Variants in KLHL22 observed in about 807,000 individuals in gnomAD.
KLHL22 encodes kelch-like protein 22.
In KLHL22, 18 loss-of-function variants were observed where a neutral mutation model predicts 60.7. That is an observed-to-expected ratio of 0.30 (90% CI 0.20 to 0.44). The LOEUF is 0.44. KLHL22 is among the 20% of genes least tolerant of loss of function. The pLI is 1.00. For missense variants in KLHL22, 596 were observed against 852.3 expected, an observed-to-expected ratio of 0.70 and a Z score of 3.74; for synonymous variants, 355 against 354.5, an observed-to-expected ratio of 1.00 and a Z score of -0.01.
intron 3 of KLHL22, among the ~76,000 whole-genome samples, chr22:20,470,189 T>C (rs1156821386): frequency 6.7e-6 from 1 of 149,936 alleles, no homozygotes; most frequent in Non-Finnish European, 1.5e-5. Flanking sequence ...AAAATATATA[T>C]ATATATAATA....
intron 4 of KLHL22, among the ~76,000 whole-genome samples, chr22:20,463,269 G>A (rs1346584605): frequency 6.6e-6 from 1 of 152,172 alleles, no homozygotes; most frequent in African/African-American, 2.4e-5. Flanking sequence ...GTTTGGGACT[G>A]GTTATTGGTT....
intron 3 of KLHL22, among the ~76,000 whole-genome samples, chr22:20,468,931 C>T (rs1334426077): frequency 6.6e-6 from 1 of 152,180 alleles, no homozygotes; most frequent in Non-Finnish European, 1.5e-5. Flanking sequence ...GCTGGGATTA[C>T]AGGCATGAAC....
intron 5 of KLHL22, among the ~76,000 whole-genome samples, chr22:20,457,029 A>T (rs2053073944): frequency 1.5e-5 from 2 of 134,746 alleles, no homozygotes; most frequent in Non-Finnish European, 1.6e-5. Context: ...GTGCCCTGCT[A>T]GGGTACCCCT....
rs765908820 is a variant in KLHL22, at chr22:20,465,303, T to C, written c.667A>G (p.Ser223Gly). ...VYEGALLYHY[S>G]LEQVQADQIS... is the part of the protein sequence containing the mutation. ...TGGTCAGCCTGCACCTGCTCCAGGC[T>C]ATAATGGTAGAGAAGGGCCCCCTCA... Residue 223 changes from serine to glycine, a missense_variant, in exon 4 of 7, where the codon AGC (serine) becomes GGC (glycine). Physicochemically the swap from Ser to Gly is moderately conservative, Grantham distance 56. Coordinates refer to ENST00000328879, the MANE Select transcript of KLHL22 (RefSeq NM_032775.4). This position sits in a 1 kb window ranked among gnomAD's most constrained non-coding sequence, Gnocchi z 4.9. 8 of 1,614,118 alleles carry C rather than the reference T, an allele frequency of 5.0e-6. No individual in the cohort carries two copies. The highest frequency in any genetic ancestry group is 1.1e-5 in the South Asian group (1 of 91,070).
At chr22:20,451,805 G>A in intron 5 of KLHL22, 1 of 1,603,898 alleles carries the variant, frequency 6.2e-7, no homozygotes, top group Non-Finnish European at 8.5e-7. Context: ...GCTGGTGTGT[G>A]TGTTCTCCAC....
intron 2 of KLHL22, among the ~76,000 whole-genome samples, chr22:20,486,501 A>G (rs2053589063): frequency 6.6e-6 from 1 of 152,078 alleles, no homozygotes; most frequent in African/African-American, 2.4e-5. Context: ...GCCCTAAACT[A>G]TGGGCCAGCC....
intron 2 of KLHL22, among the ~76,000 whole-genome samples, chr22:20,485,549 A>G (rs954296428): frequency 6.6e-6 from 1 of 152,164 alleles, no homozygotes; most frequent in African/African-American, 2.4e-5. Flanking sequence ...TGGGCCAAAG[A>G]AGAAAAATTT....
intron 5 of KLHL22, among the ~76,000 whole-genome samples, chr22:20,453,445 T>C (rs538001344): frequency 1.6e-3 from 237 of 152,346 alleles, no homozygotes; most frequent in African/African-American, 5.5e-3. Context: ...TTGTCCAAAA[T>C]CATGTGTAAC....
chr22:20,457,499 T>A (rs1248193292), intron 5 of KLHL22, among the ~76,000 whole-genome samples: 3 of 152,168 alleles, frequency 2.0e-5, no homozygotes, highest in African/African-American at 4.8e-5. Flanking sequence ...ACATTTGAAC[T>A]ACAAGGTTTA....
At chr22:20,493,306 G>A in intron 1 of KLHL22, 1 of 458,840 alleles carries the variant, frequency 2.2e-6, no homozygotes, top group Non-Finnish European at 4.5e-6. Flanking sequence ...AACTTAGCTA[G>A]GGGCTAAGGG....
At chr22:20,470,639 A>C (rs2053300398) in intron 3 of KLHL22, among the ~76,000 whole-genome samples, 1 of 152,142 alleles carries the variant, frequency 6.6e-6, no homozygotes, top group African/African-American at 2.4e-5. Flanking sequence ...AGAGAGAGAG[A>C]GCTTGTCTCC....
Position 20,454,036 on chromosome 22 carries a change from T to TA in KLHL22, c.1305+3771dup, listed in dbSNP as rs1219891699. On this transcript the variant is annotated intron_variant, in intron 5 of 6. Coordinates refer to ENST00000328879, the MANE Select transcript of KLHL22 (RefSeq NM_032775.4). The stretch of plus-strand genomic sequence containing the variant: ...AGACGTGAGCCACTGCGACCAGCAA[T>TA]AAAAAAAAATTTTAGGCTGGATGTG... 1.3e-4 allele frequency among the ~76,000 whole-genome samples: 19 copies of TA among 151,964 alleles called. 1 individual carries two copies. The highest frequency in any genetic ancestry group is 6.8e-3 in the Middle Eastern group (2 of 292).
Position 20,442,205 on chromosome 22 carries a change from G to A in KLHL22, c.1773C>T (p.Leu591=). The A allele has an allele frequency of 6.2e-7, 1 of 1,600,662 alleles. No individual in the cohort carries two copies. The highest frequency in any genetic ancestry group is 8.5e-7 in the Non-Finnish European group (1 of 1,172,442). ...NSISGLAACV[L]TLPRSLLLEP... Reference sequence around the variant, plus strand: ...CAAGGAGCAGGGAGCGGGGCAGGGTGAGCACACAGGCCGCCAGGCCTGAGA... The same window carrying A: ...CAAGGAGCAGGGAGCGGGGCAGGGTAAGCACACAGGCCGCCAGGCCTGAGA... The change falls in exon 7 of 7, where the codon CTC becomes CTT. Residue 591 remains leucine (L), a synonymous_variant. Transcript: ENST00000328879.
At chr22:20,466,516 C>CCTGCCT (rs1286843956) in intron 3 of KLHL22, among the ~76,000 whole-genome samples, 3 of 152,074 alleles carry the variant, frequency 2.0e-5, no homozygotes, top group East Asian at 3.8e-4. Context: ...TCTGGAAGAG[C>CCTGCCT]CTGCCTCTCC....
At chr22:20,462,006 G>A (rs2053162108) in intron 4 of KLHL22, among the ~76,000 whole-genome samples, 2 of 152,186 alleles carry the variant, frequency 1.3e-5, no homozygotes, top group Non-Finnish European at 2.9e-5. Context: ...GCTGAGGCAG[G>A]AGAATTGCTT....
At chr22:20,476,712 C>CT (rs760025817) in intron 2 of KLHL22, among the ~76,000 whole-genome samples, 4,300 of 120,010 alleles carry the variant, frequency 0.036, 207 homozygotes, top group African/African-American at 0.11. Context: ...CACGCCCGGC[C>CT]TTTTTTTTTT....
intron 2 of KLHL22, among the ~76,000 whole-genome samples, chr22:20,486,878 G>A (rs1457488295): frequency 2.0e-5 from 3 of 150,958 alleles, no homozygotes; most frequent in Non-Finnish European, 4.4e-5. Flanking sequence ...ACAGGGTATT[G>A]CCATGTGGGT....
chr22:20,474,123 C>T (rs1348144067), intron 2 of KLHL22, among the ~76,000 whole-genome samples: 1 of 152,084 alleles, frequency 6.6e-6, no homozygotes, highest in Non-Finnish European at 1.5e-5. Flanking sequence ...CCTTGGCCTC[C>T]CAAGTAGCTG....
At chr22:20,486,891 G>A (rs1175646100) in intron 2 of KLHL22, among the ~76,000 whole-genome samples, 1 of 151,700 alleles carries the variant, frequency 6.6e-6, no homozygotes, top group Non-Finnish European at 1.5e-5. Flanking sequence ...ATGTGGGTCA[G>A]GCTGGTCTCC....
Sources: allele counts gnomAD v4.1 joint callset (sites outside exome capture counted in the v4.1 genomes callset), GRCh38; gene constraint gnomAD v4.1.1; non-coding constraint Gnocchi (gnomAD v3.1); transcripts MANE v1.5; gene names NCBI Gene and HGNC (gene_info 2026-07-23, HGNC 2026-07-21).